The following GRIK2 variants were observed in gnomAD, a reference collection of about 807,000 sequenced individuals.
The protein encoded by GRIK2 is glutamate ionotropic receptor kainate type subunit 2.
GRIK2 carries 32 observed loss-of-function variants against 100.3 expected under a neutral mutation model. The ratio of observed to expected loss-of-function variants is 0.32; its 90% CI spans 0.24 to 0.43. The LOEUF (loss-of-function observed/expected upper bound fraction) is 0.43, where lower values mean the gene tolerates loss of function less well. Ranked by LOEUF, GRIK2 falls within the 20% of genes least tolerant of loss-of-function variation. The pLI, the probability that GRIK2 is intolerant of heterozygous loss-of-function variation, is 1.00. For missense variants in GRIK2, 843 were observed against 1,114.9 expected, an observed-to-expected ratio of 0.76 and a Z score of 3.47; for synonymous variants, 417 against 389.4, an observed-to-expected ratio of 1.07 and a Z score of -0.83.
At chr6:101,926,553 A>G (rs1001603213) in intron 13 of GRIK2, among the ~76,000 whole-genome samples, 4 of 152,310 alleles carry the variant, frequency 2.6e-5, no homozygotes, top group African/African-American at 9.6e-5. Context: ...TGCTATTAGT[A>G]GTATTTAGGA....
intron 11 of GRIK2, among the ~76,000 whole-genome samples, chr6:101,868,220 C>T (rs1785174232): frequency 6.7e-6 from 1 of 148,198 alleles, no homozygotes; most frequent in South Asian, 2.1e-4. Flanking sequence ...AAAAAAAAAG[C>T]TTCAATGTCT....
chr6:101,588,499 G>T (rs1778483429), intron 2 of GRIK2, among the ~76,000 whole-genome samples: 3 of 151,810 alleles, frequency 2.0e-5, no homozygotes, highest in South Asian at 4.1e-4. Flanking sequence ...GGTTGGAGTA[G>T]CAAGGCCTGG....
chr6:101,666,191 A>G (rs577639398), intron 4 of GRIK2, among the ~76,000 whole-genome samples: 3 of 152,190 alleles, frequency 2.0e-5, no homozygotes, highest in Non-Finnish European at 2.9e-5. Context: ...GCAGCAAAAC[A>G]ATGTAGGTTA....
In GRIK2 at chr6:101,910,839, C is replaced by CCACACACACACACACACACACACA. The variant is rs142489212; in HGVS notation, c.1749-13759_1749-13736dup. ...CACAGTAAAATAATACCAACATACACCACACACACACACACACACACACAC... is the reference window on the plus strand; with the variant it reads ...CACAGTAAAATAATACCAACATACACCACACACACACACACACACACACACACACACACACACACACACACACAC... On this transcript the variant is annotated intron_variant, in intron 12 of 16. Transcript: ENST00000369134. Among the ~76,000 whole-genome samples the CCACACACACACACACACACACACA allele has an allele frequency of 5.6e-4, 81 of 143,366 alleles. 1 individual carries two copies. Among genetic ancestry groups the CCACACACACACACACACACACACA allele is most frequent in the African/African-American group, 2.1e-3 (79 of 37,828 alleles). The allele number at this position is 143,366 out of a possible 152,430, so 94.1% of individuals were successfully genotyped here.
In GRIK2 at chr6:101,785,006, G is replaced by C. The variant is rs372263220; in HGVS notation, c.952-14642G>C. ...TTAAGAACTATTCAAACTCGGGTTA[G>C]ATGATATTTCATTGTGGTTTTGACT... On this transcript the variant is annotated intron_variant, in intron 7 of 16. Transcript: ENST00000369134. Among the ~76,000 whole-genome samples the C allele has an allele frequency of 3.9e-5, 6 of 152,262 alleles. No homozygotes were observed. The East Asian group carries it at 1.2e-3, about 29-fold the overall frequency.
intron 11 of GRIK2, among the ~76,000 whole-genome samples, chr6:101,884,332 A>C (rs1010278896): frequency 2.6e-5 from 4 of 152,176 alleles, no homozygotes; most frequent in Non-Finnish European, 5.9e-5. Flanking sequence ...CATCATGGAA[A>C]AGAAAACAAC....
intron 2 of GRIK2, among the ~76,000 whole-genome samples, chr6:101,605,977 A>G (rs1779421360): frequency 6.6e-6 from 1 of 152,052 alleles, no homozygotes; most frequent in Admixed American, 6.6e-5. Flanking sequence ...GGCATTAACA[A>G]GAAAGGCAGT....
At chr6:101,554,249 G>A (rs1387032716) in intron 2 of GRIK2, among the ~76,000 whole-genome samples, 1 of 152,088 alleles carries the variant, frequency 6.6e-6, no homozygotes, top group Non-Finnish European at 1.5e-5. Flanking sequence ...AGACACAAAG[G>A]GACAGAGCTG....
At chr6:102,060,251 A>G (rs1771680116) in intron 16 of GRIK2, among the ~76,000 whole-genome samples, 1 of 150,820 alleles carries the variant, frequency 6.6e-6, no homozygotes, top group Admixed American at 6.6e-5. Flanking sequence ...ATAGTTCAAA[A>G]ACATTTTGTG....
chr6:101,716,491 A>G (rs1248454419), intron 7 of GRIK2, among the ~76,000 whole-genome samples: 3 of 150,424 alleles, frequency 2.0e-5, no homozygotes, highest in Non-Finnish European at 3.0e-5. Flanking sequence ...TGAGTTAAAC[A>G]GGTTAAAAGA....
intron 7 of GRIK2, among the ~76,000 whole-genome samples, chr6:101,764,079 T>C (rs1777895935): frequency 6.6e-6 from 1 of 152,182 alleles, no homozygotes; most frequent in African/African-American, 2.4e-5. Flanking sequence ...CTCCTGGTTC[T>C]CTGTATTCAC....
At chr6:101,893,214 A>G (rs1787219637) in intron 12 of GRIK2, among the ~76,000 whole-genome samples, 1 of 151,346 alleles carries the variant, frequency 6.6e-6, no homozygotes, top group Non-Finnish European at 1.5e-5. Context: ...ATAATTGTTG[A>G]TATCATAATT....
rs183792655 is a variant in GRIK2, at chr6:101,859,493, T to C, written c.1524T>C (p.His508=). 19 of 1,539,000 alleles carry C rather than the reference T, an allele frequency of 1.2e-5. No homozygotes were observed. In the East Asian group the frequency reaches 4.3e-4, roughly 35 times the overall value. The change falls in exon 11 of 17, where the codon CAT becomes CAC. Residue 508 remains histidine (H), a splice_region_variant and synonymous_variant. Transcript: ENST00000369134. ...WNGMVRELID[H]KADLAVAPLA... ...GAATGGTTCGTGAACTAATTGATCA[T>C]GTAAGTCCCTTCCCTCATGATTTAT...
chr6:101,822,025 A>G (rs1333124938), intron 10 of GRIK2, among the ~76,000 whole-genome samples: 1 of 152,156 alleles, frequency 6.6e-6, no homozygotes, highest in Non-Finnish European at 1.5e-5. Flanking sequence ...AGCTAATTAT[A>G]ATCAGCTCTA....
intron 2 of GRIK2, among the ~76,000 whole-genome samples, chr6:101,449,249 T>G (rs1048662839): frequency 1.3e-5 from 2 of 151,676 alleles, no homozygotes; most frequent in African/African-American, 2.4e-5. Flanking sequence ...AACAAGTATC[T>G]CTCTCATTTG....
intron 2 of GRIK2, among the ~76,000 whole-genome samples, chr6:101,569,247 C>T (rs543241562): frequency 1.5e-3 from 233 of 151,274 alleles, no homozygotes; most frequent in African/African-American, 3.9e-3. Flanking sequence ...AAAGTATAAA[C>T]GATAAACATT....
At chr6:101,652,986 T>C (rs1178009107) in intron 4 of GRIK2, among the ~76,000 whole-genome samples, 1 of 152,060 alleles carries the variant, frequency 6.6e-6, no homozygotes, top group Non-Finnish European at 1.5e-5. Flanking sequence ...GGGGAGTGCA[T>C]TGTGACTTGT....
chr6:102,060,383 A>G (rs1024905182), intron 16 of GRIK2, among the ~76,000 whole-genome samples: 3 of 150,800 alleles, frequency 2.0e-5, no homozygotes, highest in African/African-American at 7.3e-5. Flanking sequence ...TAAGAAGAAA[A>G]TCAGAGGGTT....
intron 7 of GRIK2, among the ~76,000 whole-genome samples, chr6:101,741,289 C>T (rs1244702272): frequency 2.0e-5 from 3 of 152,062 alleles, no homozygotes; most frequent in Non-Finnish European, 2.9e-5. Context: ...TCAAATAGAC[C>T]AACTATTACT....
Sources: allele counts gnomAD v4.1 joint callset (sites outside exome capture counted in the v4.1 genomes callset), GRCh38; gene constraint gnomAD v4.1.1; transcripts MANE v1.5; gene names NCBI Gene and HGNC (gene_info 2026-07-23, HGNC 2026-07-21).